Variants in CRY1 observed in about 807,000 individuals in gnomAD.
CRY1 encodes cryptochrome circadian regulator 1.
CRY1 carries 45 observed loss-of-function variants against 76.0 expected under a neutral mutation model. The ratio of observed to expected loss-of-function variants is 0.59; its 90% confidence interval spans 0.47 to 0.76. The LOEUF (loss-of-function observed/expected upper bound fraction) is 0.76. CRY1 is among the 30% of genes least tolerant of loss of function. The pLI, the probability that CRY1 is intolerant of heterozygous loss-of-function variation, is 0.00. For synonymous variants in CRY1, 248 were observed against 244.0 expected, an observed-to-expected ratio of 1.02 and a Z score of -0.15; for missense variants, 587 against 716.4, an observed-to-expected ratio of 0.82 and a Z score of 2.06.
At chr12:107,022,341 C>T (rs977857351) in intron 1 of CRY1, 149 bp from the exon 2 acceptor site, 2 of 375,016 alleles carry the variant, frequency 5.3e-6, no homozygotes, top group East Asian at 4.4e-5. Context: ...AAAAACCATA[C>T]TAATATATAT....
chr12:107,090,263 T>G (rs1953455146), intron 1 of CRY1, among the ~76,000 whole-genome samples: 1 of 152,150 alleles, frequency 6.6e-6, no homozygotes, highest in Admixed American at 6.5e-5. Flanking sequence ...CTAATTTTTT[T>G]GTGTTTTTTA....
chr12:107,018,648 T>TA (rs1210116234), intron 2 of CRY1, among the ~76,000 whole-genome samples: 1 of 152,016 alleles, frequency 6.6e-6, no homozygotes, highest in Admixed American at 6.6e-5. Context: ...AGAATGTTTT[T>TA]AAAAAATCTA....
chr12:107,087,525 C>A (rs989393668), intron 1 of CRY1, among the ~76,000 whole-genome samples: 2 of 152,216 alleles, frequency 1.3e-5, no homozygotes, highest in African/African-American at 4.8e-5. Context: ...AGGTTTCAGA[C>A]TTGGGTGGGT....
Position 106,993,038 on chromosome 12 carries a change from TGTTA to T in CRY1, c.1586-6_1586-3del, listed in dbSNP as rs2136814871. On this transcript the variant is annotated splice_region_variant and splice_polypyrimidine_tract_variant and intron_variant, in intron 10 of 12. Coordinates refer to ENST00000008527, the MANE Select transcript of CRY1 (RefSeq NM_004075.5). ...AAATACCACTCCCTTGAGAGCAACCTGTTAGTATTTAAAACACAGTAAAATTACT... is the reference window on the plus strand; with the variant it reads ...AAATACCACTCCCTTGAGAGCAACCTGTATTTAAAACACAGTAAAATTACT... The T allele has an allele frequency of 8.7e-6, 14 of 1,613,806 alleles. No homozygotes were observed. Among genetic ancestry groups the T allele is most frequent in the Non-Finnish European group, 1.2e-5 (14 of 1,179,740 alleles).
At chr12:107,092,719 T>C in intron 1 of CRY1, 85 bp downstream of exon 1, 1 of 1,562,028 alleles carries the variant, frequency 6.4e-7, no homozygotes. Context: ...ACGTCTAAAT[T>C]CACAGATTTG....
chr12:107,006,375 C>CAA (rs556688637), intron 2 of CRY1, among the ~76,000 whole-genome samples: 1 of 142,412 alleles, frequency 7.0e-6, no homozygotes. Flanking sequence ...GGCTCCATCT[C>CAA]AAAAAAAAAA....
chr12:107,008,164 G>T (rs1440317826), intron 2 of CRY1, among the ~76,000 whole-genome samples: 1 of 152,246 alleles, frequency 6.6e-6, no homozygotes, highest in East Asian at 1.9e-4. Flanking sequence ...ACAACTAAAA[G>T]AAAAGGAACC....
intron 1 of CRY1, among the ~76,000 whole-genome samples, chr12:107,031,406 C>T (rs984680046): frequency 1.3e-5 from 2 of 149,766 alleles, no homozygotes; most frequent in African/African-American, 4.9e-5. Flanking sequence ...ACCCAGACTG[C>T]TCTGAAAGAT....
At chr12:107,090,886 C>T (rs1280861268) in intron 1 of CRY1, among the ~76,000 whole-genome samples, 4 of 152,128 alleles carry the variant, frequency 2.6e-5, no homozygotes, top group African/African-American at 7.2e-5. Context: ...TCCAATCACC[C>T]TCCCAATGGC....
In CRY1 at chr12:107,093,531, A is replaced by C. The variant is rs918590474; in HGVS notation, c.-570T>G. On this transcript the variant is annotated 5_prime_UTR_variant, in exon 1 of 13. Transcript: ENST00000008527. ...GGTTGCCGGCCGGTGACCGGTCCCGAGGCTGCCCGGGTGACTCTGCCGCCG... is the reference window on the plus strand; with the variant it reads ...GGTTGCCGGCCGGTGACCGGTCCCGCGGCTGCCCGGGTGACTCTGCCGCCG... 6.6e-6 allele frequency: 1 copy of C among 152,278 alleles called. No individual in the cohort carries two copies. The highest frequency in any genetic ancestry group is 1.5e-5 in the Non-Finnish European group (1 of 68,118). 9.4% of individuals were successfully genotyped at this position (152,278 alleles called of 1,614,324 possible).
intron 1 of CRY1, among the ~76,000 whole-genome samples, chr12:107,091,535 T>G (rs939713486): frequency 1.3e-5 from 2 of 152,090 alleles, no homozygotes; most frequent in Admixed American, 6.5e-5. Context: ...ACTCCCCAAT[T>G]CAGAACCACA....
intron 12 of CRY1, 180 bp from the exon 13 acceptor site, chr12:106,992,181 T>A (rs1566237960): frequency 6.6e-6 from 1 of 152,058 alleles, no homozygotes; most frequent in African/African-American, 2.4e-5. Flanking sequence ...AAACAGAAAA[T>A]TTTTAAAAAC....
intron 10 of CRY1, among the ~76,000 whole-genome samples, chr12:106,993,594 T>A (rs897301162): frequency 1.3e-5 from 2 of 152,008 alleles, no homozygotes. Context: ...TAGGGAAACA[T>A]TTCTGTCAGT....
At chr12:107,089,049 T>C (rs1263068258) in intron 1 of CRY1, among the ~76,000 whole-genome samples, 2 of 152,216 alleles carry the variant, frequency 1.3e-5, no homozygotes, top group Non-Finnish European at 2.9e-5. Context: ...TTAAGGTTCA[T>C]TCATACATGT....
chr12:106,997,905 CT>C lies in CRY1; in HGVS notation c.1289+9del. ...TATTCCAAACTGAGTAGTAATCACCCTTGATTTACCTGATATAGTCTCCATT... is the reference window on the plus strand; with the variant it reads ...TATTCCAAACTGAGTAGTAATCACCCTGATTTACCTGATATAGTCTCCATT... On this transcript the variant is annotated intron_variant, in intron 8 of 12. Transcript: ENST00000008527. The C allele has an allele frequency of 1.9e-6, 3 of 1,612,126 alleles. No individual in the cohort carries two copies. The highest frequency in any genetic ancestry group is 2.5e-6 in the Non-Finnish European group (3 of 1,179,320).
At chr12:107,056,322 G>A (rs1247598922) in intron 1 of CRY1, among the ~76,000 whole-genome samples, 1 of 152,188 alleles carries the variant, frequency 6.6e-6, no homozygotes, top group Admixed American at 6.5e-5. Context: ...TAAATAAAAA[G>A]TAAAGAATTT....
intron 3 of CRY1, among the ~76,000 whole-genome samples, chr12:107,002,920 C>A (rs1952328169): frequency 6.6e-6 from 1 of 152,182 alleles, no homozygotes; most frequent in South Asian, 2.1e-4. Flanking sequence ...CCTTGCCTTC[C>A]ACCATGATTG....
At chr12:107,007,248 C>T (rs1469600695) in intron 2 of CRY1, among the ~76,000 whole-genome samples, 1 of 152,180 alleles carries the variant, frequency 6.6e-6, no homozygotes, top group Admixed American at 6.5e-5. Flanking sequence ...CAGGATCTAA[C>T]AAGTTAGACT....
At chr12:107,082,520 C>T (rs570222456) in intron 1 of CRY1, among the ~76,000 whole-genome samples, 2 of 152,004 alleles carry the variant, frequency 1.3e-5, no homozygotes, top group South Asian at 2.1e-4. Flanking sequence ...CAATCAAATT[C>T]GAATTCAGGA....
Sources: allele counts gnomAD v4.1 joint callset (sites outside exome capture counted in the v4.1 genomes callset), GRCh38; gene constraint gnomAD v4.1.1; transcripts MANE v1.5; gene names NCBI Gene and HGNC (gene_info 2026-07-23, HGNC 2026-07-21).